The following GALNT13 variants were observed in gnomAD, a reference collection of about 807,000 sequenced individuals.
GALNT13 encodes the protein polypeptide N-acetylgalactosaminyltransferase 13.
GALNT13 carries 28 observed loss-of-function variants against 64.2 expected under a neutral mutation model. The observed-to-expected ratio is 0.44, with a 90% CI of 0.32 to 0.60. The LOEUF (loss-of-function observed/expected upper bound fraction) is 0.60. Among genes scored for constraint, GALNT13 ranks in the 20% least tolerant of loss-of-function variants. The pLI is 0.05. For missense variants in GALNT13, 577 were observed against 669.8 expected, an observed-to-expected ratio of 0.86 and a Z score of 1.53; for synonymous variants, 214 against 224.6, an observed-to-expected ratio of 0.95 and a Z score of 0.42.
the GALNT13 span, among the ~76,000 whole-genome samples, chr2:153,805,131 AATTT>A: frequency 6.6e-6 from 1 of 151,936 alleles, no homozygotes; most frequent in Admixed American, 6.6e-5. Flanking sequence ...AAATGAGAAA[AATTT>A]AAAAAGAAAT....
the GALNT13 span, among the ~76,000 whole-genome samples, chr2:153,725,737 G>A: frequency 0.16 from 23,774 of 151,938 alleles, 3,277 homozygotes; most frequent in African/African-American, 0.36. Context: ...GCTGGTTCCA[G>A]AAATATAATT....
chr2:154,399,455 T>C (rs1699200748), intron 10 of GALNT13, among the ~76,000 whole-genome samples: 1 of 152,118 alleles, frequency 6.6e-6, no homozygotes, highest in African/African-American at 2.4e-5. Flanking sequence ...TAAGTCCTCA[T>C]ATGGAAAAAG....
At chr2:153,651,566 A>G in the GALNT13 span, among the ~76,000 whole-genome samples, 1 of 152,168 alleles carries the variant, frequency 6.6e-6, no homozygotes, top group African/African-American at 2.4e-5. Flanking sequence ...TCCTAAGTAT[A>G]CTTGAAATAT....
the GALNT13 span, among the ~76,000 whole-genome samples, chr2:153,266,939 A>C: frequency 6.6e-6 from 1 of 152,226 alleles, no homozygotes; most frequent in African/African-American, 2.4e-5. Context: ...CCCTCTGCCT[A>C]TAAGCCTGTA....
At chr2:153,563,711 G>GT in the GALNT13 span, among the ~76,000 whole-genome samples, 47 of 149,182 alleles carry the variant, frequency 3.2e-4, no homozygotes, top group African/African-American at 4.9e-4. Flanking sequence ...CACTCTTAGG[G>GT]TTTTTTTTTT....
the GALNT13 span, among the ~76,000 whole-genome samples, chr2:153,427,301 A>G: frequency 6.6e-6 from 1 of 152,108 alleles, no homozygotes; most frequent in Non-Finnish European, 1.5e-5. Flanking sequence ...ACCCTCCACT[A>G]AGAATATTAA....
At chr2:153,245,159 G>A in the GALNT13 span, among the ~76,000 whole-genome samples, 1 of 152,246 alleles carries the variant, frequency 6.6e-6, no homozygotes, top group Non-Finnish European at 1.5e-5. Context: ...CCTGGGACAG[G>A]GAACCTGGGA....
chr2:154,400,814 T>C (rs1193374750), intron 10 of GALNT13, among the ~76,000 whole-genome samples: 1 of 152,126 alleles, frequency 6.6e-6, no homozygotes, highest in African/African-American at 2.4e-5. Flanking sequence ...GCCCTGAAGC[T>C]TATGTAGATT....
chr2:153,228,196 C>T, the GALNT13 span, among the ~76,000 whole-genome samples: 1 of 152,116 alleles, frequency 6.6e-6, no homozygotes, highest in Admixed American at 6.5e-5. Flanking sequence ...GAATTCCGTG[C>T]TCTGATTATT....
chr2:153,564,944 A>T, the GALNT13 span, among the ~76,000 whole-genome samples: 3 of 152,184 alleles, frequency 2.0e-5, no homozygotes, highest in African/African-American at 4.8e-5. Flanking sequence ...AGCGGGCCGC[A>T]TGGTAGAAAA....
the GALNT13 span, among the ~76,000 whole-genome samples, chr2:153,535,192 T>G: frequency 6.6e-6 from 1 of 152,054 alleles, no homozygotes; most frequent in African/African-American, 2.4e-5. Flanking sequence ...ATAGAATGAT[T>G]GGTGACGGCC....
At chr2:154,036,147 G>T (rs1558922906) in intron 3 of GALNT13, among the ~76,000 whole-genome samples, 1 of 152,048 alleles carries the variant, frequency 6.6e-6, no homozygotes, top group Non-Finnish European at 1.5e-5. Flanking sequence ...CAGTTTGCCA[G>T]CGATTAGTGT....
chr2:153,735,708 G>T, the GALNT13 span, among the ~76,000 whole-genome samples: 1 of 152,128 alleles, frequency 6.6e-6, no homozygotes, highest in Non-Finnish European at 1.5e-5. Flanking sequence ...TGACATTTAA[G>T]ATCCCATTGT....
the GALNT13 span, among the ~76,000 whole-genome samples, chr2:153,290,779 T>G: frequency 4.6e-5 from 7 of 152,202 alleles, no homozygotes; most frequent in African/African-American, 1.7e-4. Flanking sequence ...ATTTCTTTAG[T>G]AAAACTAATG....
In GALNT13 at chr2:154,013,926, T is replaced by C. The variant is rs530794284; in HGVS notation, c.142+69287T>C. Among the ~76,000 whole-genome samples, 4 of 152,272 alleles carry C rather than the reference T, an allele frequency of 2.6e-5. No individual in the cohort carries two copies. In the South Asian group the frequency reaches 8.3e-4, roughly 32 times the overall value. ...CCGGTCTGCTGGACTTCTCTGATGGTTAGGCATGGACTGCCAGCGAAGAAG... is the reference window on the plus strand; with the variant it reads ...CCGGTCTGCTGGACTTCTCTGATGGCTAGGCATGGACTGCCAGCGAAGAAG... On this transcript the variant is annotated intron_variant, in intron 3 of 12. Coordinates refer to ENST00000392825, the MANE Select transcript of GALNT13 (RefSeq NM_052917.4).
chr2:153,759,080 C>T, the GALNT13 span, among the ~76,000 whole-genome samples: 1 of 152,082 alleles, frequency 6.6e-6, no homozygotes, highest in Non-Finnish European at 1.5e-5. Context: ...AAATATATTT[C>T]TTCATTTCTG....
chr2:154,149,938 T>G (rs906481382), intron 4 of GALNT13, among the ~76,000 whole-genome samples: 40 of 152,218 alleles, frequency 2.6e-4, no homozygotes, highest in South Asian at 1.0e-3. Flanking sequence ...CTGCCTGATT[T>G]CCCTGGCCAG....
chr2:153,662,247 A>C, the GALNT13 span, among the ~76,000 whole-genome samples: 15 of 152,150 alleles, frequency 9.9e-5, no homozygotes, highest in South Asian at 2.1e-4. Flanking sequence ...GATAACTCTA[A>C]AGGGCTATCC....
the GALNT13 span, among the ~76,000 whole-genome samples, chr2:153,706,372 G>A: frequency 6.6e-6 from 1 of 152,154 alleles, no homozygotes; most frequent in Non-Finnish European, 1.5e-5. Flanking sequence ...AGACCACTGT[G>A]AGGAATGTCC....
Sources: gnomAD v4.1 joint callset for allele counts (sites outside exome capture counted in the v4.1 genomes callset) on GRCh38, gnomAD v4.1.1 for gene constraint, MANE v1.5 for transcripts, NCBI Gene and HGNC (gene_info 2026-07-23, HGNC 2026-07-21) for gene names.